KDM2B: variants seen among roughly 807,000 people sequenced by gnomAD.
KDM2B encodes lysine demethylase 2B.
In KDM2B, 26 loss-of-function variants were observed where a neutral mutation model predicts 150.0. The ratio of observed to expected loss-of-function variants is 0.17; its 90% CI spans 0.13 to 0.24. The LOEUF is 0.24. KDM2B is among the 10% of genes least tolerant of loss of function. The pLI is 1.00. For missense variants in KDM2B, 1,265 were observed against 1,816.9 expected (o/e 0.70, Z 5.52); for synonymous variants, 734 against 729.5 (o/e 1.01, Z -0.10).
the KDM2B span, among the ~76,000 whole-genome samples, chr12:121,421,720 T>C: frequency 3.3e-5 from 5 of 152,226 alleles, no homozygotes; most frequent in African/African-American, 1.2e-4. Flanking sequence ...TTAATATTTT[T>C]AAATTGAGAC....
chr12:121,473,566 A>G (rs756157774), intron 12 of KDM2B, among the ~76,000 whole-genome samples: 2 of 151,706 alleles, frequency 1.3e-5, no homozygotes, highest in Non-Finnish European at 2.9e-5. Context: ...TAAAAATACA[A>G]AAGTCAGCCA....
intron 12 of KDM2B, among the ~76,000 whole-genome samples, chr12:121,460,800 T>C (rs1282137016): frequency 6.6e-6 from 1 of 152,160 alleles, no homozygotes; most frequent in African/African-American, 2.4e-5. Context: ...TCTTGCTATG[T>C]AACCCAGGCT....
intron 12 of KDM2B, among the ~76,000 whole-genome samples, chr12:121,456,776 A>G (rs1878305484): frequency 6.6e-6 from 1 of 152,206 alleles, no homozygotes; most frequent in African/African-American, 2.4e-5. Flanking sequence ...CATCCAGCCT[A>G]TGGAAAACAA....
chr12:121,481,305 T>A (rs1422359032), intron 12 of KDM2B, among the ~76,000 whole-genome samples: 2 of 152,206 alleles, frequency 1.3e-5, no homozygotes, highest in Non-Finnish European at 2.9e-5. Flanking sequence ...GTCAGTGATT[T>A]AGAGCAGGTT....
At chr12:121,560,232 T>C (rs555042054) in intron 4 of KDM2B, among the ~76,000 whole-genome samples, 1 of 152,216 alleles carries the variant, frequency 6.6e-6, no homozygotes, top group South Asian at 2.1e-4. Flanking sequence ...CTCAAACTCC[T>C]GGCCTCAAGT....
chr12:121,456,953 T>G (rs1355880309), intron 12 of KDM2B, among the ~76,000 whole-genome samples: 1 of 152,170 alleles, frequency 6.6e-6, no homozygotes, highest in Non-Finnish European at 1.5e-5. Flanking sequence ...CTGCCGGCAG[T>G]GGCCCCCGCC....
the KDM2B span, chr12:121,417,931 T>C: frequency 6.2e-7 from 1 of 1,608,080 alleles, no homozygotes; most frequent in Non-Finnish European, 8.5e-7. The surrounding 1 kb of genome is among the most constrained non-coding windows in gnomAD (Gnocchi z 5.0). Context: ...GGTAACTAAT[T>C]ACACCCAGGG....
chr12:121,419,114 C>A, the KDM2B span, among the ~76,000 whole-genome samples: 4 of 152,198 alleles, frequency 2.6e-5, no homozygotes, highest in African/African-American at 9.7e-5. Context: ...TGATAGACCA[C>A]ATACACGGCA....
At chr12:121,426,940 A>G (rs969254782), downstream of KDM2B, among the ~76,000 whole-genome samples, 50 of 152,094 alleles carry the variant, frequency 3.3e-4, no homozygotes, top group African/African-American at 1.2e-3. Flanking sequence ...TGCTTTAAGT[A>G]AATTTTTTAA....
At chr12:121,570,543 C>G (rs1891020048) in intron 4 of KDM2B, among the ~76,000 whole-genome samples, 1 of 152,166 alleles carries the variant, frequency 6.6e-6, no homozygotes, top group South Asian at 2.1e-4. Flanking sequence ...TCTGACACAT[C>G]TGACACACTG....
intron 3 of KDM2B, 70 bp from the exon 4 acceptor site, chr12:121,574,663 G>A (rs1267712828): frequency 7.1e-7 from 1 of 1,411,780 alleles, no homozygotes; most frequent in Non-Finnish European, 9.9e-7. Context: ...CCTGGGCCCG[G>A]GGGGAAGCCA....
At chr12:121,422,318 C>T in the KDM2B span, among the ~76,000 whole-genome samples, 1 of 152,162 alleles carries the variant, frequency 6.6e-6, no homozygotes, top group African/African-American at 2.4e-5. Flanking sequence ...CAAGTCACTA[C>T]CAAGATTGTT....
At chr12:121,478,866 TTGTGTGTGTGTGTG>T (rs71874668) in intron 12 of KDM2B, among the ~76,000 whole-genome samples, 1 of 131,132 alleles carries the variant, frequency 7.6e-6, no homozygotes, top group Non-Finnish European at 1.6e-5. Flanking sequence ...TTTTGTTTGT[TTGTGTGTGTGTGTG>T]TGTGTGTGTG....
intron 12 of KDM2B, among the ~76,000 whole-genome samples, chr12:121,493,270 T>C (rs983579828): frequency 2.6e-5 from 4 of 151,914 alleles, no homozygotes; most frequent in Non-Finnish European, 5.9e-5. Flanking sequence ...AAAATACCTC[T>C]TGGGGCTACT....
At chr12:121,579,025 A>T (rs781971599) in intron 1 of KDM2B, 79 bp from the exon 2 acceptor site, 1 of 1,477,192 alleles carries the variant, frequency 6.8e-7, no homozygotes, top group Non-Finnish European at 9.2e-7. Flanking sequence ...CCCAGCACTA[A>T]CAGGTGCAGC....
chr12:121,558,683 G>C (rs1161232885), intron 4 of KDM2B, among the ~76,000 whole-genome samples: 1 of 152,096 alleles, frequency 6.6e-6, no homozygotes, highest in Non-Finnish European at 1.5e-5. Flanking sequence ...TCAAACTCCT[G>C]ACGTCAAGTG....
chr12:121,487,852 G>C (rs1555299195), intron 12 of KDM2B, among the ~76,000 whole-genome samples: 2 of 151,190 alleles, frequency 1.3e-5, no homozygotes, highest in East Asian at 3.9e-4. Context: ...CGCGATCTCG[G>C]CTCACTGCAA....
chr12:121,579,756 A>C, intron 1 of KDM2B: 2 of 1,215,882 alleles, frequency 1.6e-6, no homozygotes, highest in African/African-American at 1.7e-5. Context: ...GCGAACCCCG[A>C]GCCCGCTCAG....
At chr12:121,573,800 G>A (rs903588105) in intron 4 of KDM2B, among the ~76,000 whole-genome samples, 1 of 150,516 alleles carries the variant, frequency 6.6e-6, no homozygotes, top group Non-Finnish European at 1.5e-5. Flanking sequence ...TGTTAGCCAG[G>A]ATGGTCTCGA....
Sources: allele counts gnomAD v4.1 joint callset (sites outside exome capture counted in the v4.1 genomes callset), GRCh38; gene constraint gnomAD v4.1.1; non-coding constraint Gnocchi (gnomAD v3.1); transcripts MANE v1.5; gene names NCBI Gene and HGNC (gene_info 2026-07-23, HGNC 2026-07-21).